BNC2: variants seen among roughly 807,000 people sequenced by gnomAD.
BNC2 encodes basonuclin zinc finger protein 2.
In BNC2, 20 loss-of-function variants were observed where a neutral mutation model predicts 76.3. That is an observed-to-expected ratio of 0.26 (90% CI 0.18 to 0.38). The LOEUF (loss-of-function observed/expected upper bound fraction) is 0.38, where lower values mean the gene tolerates loss of function less well. Among genes scored for constraint, BNC2 ranks in the 10% least tolerant of loss-of-function variants. The pLI, the probability that BNC2 is intolerant of heterozygous loss-of-function variation, is 1.00. For missense variants in BNC2, 1,382 were observed against 1,399.8 expected (o/e 0.99, Z 0.20); for synonymous variants, 582 against 514.8 (o/e 1.13, Z -1.77).
chr9:16,495,407 A>G (rs1230138868), intron 5 of BNC2, among the ~76,000 whole-genome samples: 1 of 152,260 alleles, frequency 6.6e-6, no homozygotes, highest in Non-Finnish European at 1.5e-5. Context: ...TGTGGACTTA[A>G]GCAGATCACA....
At chr9:16,561,958 C>G (rs181655222) in intron 4 of BNC2, among the ~76,000 whole-genome samples, 1 of 152,194 alleles carries the variant, frequency 6.6e-6, no homozygotes, top group Non-Finnish European at 1.5e-5. Context: ...TGAGCCGTGA[C>G]TGAGCCACTA....
chr9:16,417,914 G>A lies in BNC2; in HGVS notation c.*1075C>T, dbSNP rs1411403482. On this transcript the variant is annotated 3_prime_UTR_variant, in exon 7 of 7. Transcript: ENST00000380672. ...ATCACCAAGTGTTTTTTTAAAAAGC[G>A]GTTTTCTGGTGGCCAACAAATTGGC... is the stretch of plus-strand genomic sequence containing the variant. 3.9e-5 allele frequency: 6 copies of A among 152,662 alleles called. No individual in the cohort carries two copies. The highest frequency in any genetic ancestry group is 2.1e-4 in the South Asian group (1 of 4,822). The allele number at this position is 152,662 out of a possible 1,614,324, so 9.5% of individuals were successfully genotyped here. A position where few individuals can be genotyped will look rare whatever the true frequency, so the allele number is the denominator to read the frequency against.
chr9:16,428,328 C>T (rs1178910702), intron 6 of BNC2, among the ~76,000 whole-genome samples: 1 of 152,140 alleles, frequency 6.6e-6, no homozygotes, highest in Non-Finnish European at 1.5e-5. Context: ...CCTCCACTGC[C>T]CATCAGACCT....
At chr9:16,676,646 A>G (rs1043311088) in intron 3 of BNC2, among the ~76,000 whole-genome samples, 1 of 152,244 alleles carries the variant, frequency 6.6e-6, no homozygotes. Context: ...TCCACAATGT[A>G]TCTGACATAT....
At chr9:16,787,889 G>A (rs1439042412) in intron 1 of BNC2, among the ~76,000 whole-genome samples, 1 of 152,084 alleles carries the variant, frequency 6.6e-6, no homozygotes, top group Non-Finnish European at 1.5e-5. Context: ...TATTTCCTTA[G>A]CCAGGATGCA....
intron 5 of BNC2, among the ~76,000 whole-genome samples, chr9:16,511,516 C>T (rs545106130): frequency 6.6e-6 from 1 of 150,474 alleles, no homozygotes; most frequent in African/African-American, 2.4e-5. Flanking sequence ...CAGTCTCAAC[C>T]TCCCAGGCTC....
In BNC2 at chr9:16,554,020, C is replaced by T. The variant is rs544733023; in HGVS notation, c.434-1255G>A. 2.6e-5 allele frequency among the ~76,000 whole-genome samples: 4 copies of T among 152,190 alleles called. No individual in the cohort carries two copies. In the South Asian group the frequency reaches 8.3e-4, roughly 31 times the overall value. Reference sequence around the variant, plus strand: ...ATAAGCCTGAAGGATGGTCATCTAACCTCATGAGTCAGGCAAATGGGTATC... The same window carrying T: ...ATAAGCCTGAAGGATGGTCATCTAATCTCATGAGTCAGGCAAATGGGTATC... On this transcript the variant is annotated intron_variant, in intron 4 of 6. Transcript: ENST00000380672.
In BNC2 at chr9:16,728,128, C is replaced by T. The variant is rs1824404561; in HGVS notation, c.130-131G>A. ...ATTTGGGGGAGGGAGGGGGTCAGAG[C>T]TTCTTTCGCACCTTCTGCACAGATA... is the stretch of plus-strand genomic sequence containing the variant. On this transcript the variant is annotated intron_variant, in intron 2 of 6. Transcript: ENST00000380672. 1.6e-5 allele frequency: 12 copies of T among 754,256 alleles called. 1 individual carries two copies. In the South Asian group the frequency reaches 1.6e-4, roughly 10 times the overall value. The allele number at this position is 754,256 out of a possible 1,614,324, so 46.7% of individuals were successfully genotyped here.
At chr9:16,574,623 AC>A (rs1819430292) in intron 4 of BNC2, among the ~76,000 whole-genome samples, 1 of 152,124 alleles carries the variant, frequency 6.6e-6, no homozygotes, top group Non-Finnish European at 1.5e-5. Context: ...ACTGAAGAAA[AC>A]CTTCCCTGGA....
intron 5 of BNC2, among the ~76,000 whole-genome samples, chr9:16,442,172 G>C (rs899037777): frequency 7.2e-5 from 11 of 152,276 alleles, no homozygotes; most frequent in Non-Finnish European, 1.2e-4. Context: ...TTAAATGCGA[G>C]TTATTATCAT....
intron 3 of BNC2, among the ~76,000 whole-genome samples, chr9:16,668,768 T>C (rs1262064581): frequency 6.6e-6 from 1 of 152,216 alleles, no homozygotes; most frequent in African/African-American, 2.4e-5. Flanking sequence ...TCTCTTTGAC[T>C]TTCTCTTGTT....
intron 3 of BNC2, among the ~76,000 whole-genome samples, chr9:16,719,912 G>A (rs1001882140): frequency 5.9e-5 from 9 of 152,088 alleles, no homozygotes; most frequent in Admixed American, 5.2e-4. Flanking sequence ...TTTCCTTCTT[G>A]TAGGGAAATA....
Position 16,409,612 on chromosome 9 carries a change from T to G in BNC2, c.*9377A>C, listed in dbSNP as rs2118869214. The G allele has an allele frequency of 6.5e-6, 1 of 152,730 alleles. No individual in the cohort carries two copies. The highest frequency in any genetic ancestry group is 1.9e-4 in the East Asian group (1 of 5,188). The allele number at this position is 152,730 out of a possible 1,614,324, so 9.5% of individuals were successfully genotyped here. On this transcript the variant is annotated 3_prime_UTR_variant, in exon 7 of 7. Transcript: ENST00000380672. Reference sequence around the variant, plus strand: ...AAATTCCATTTACATCCCCAAACCCTTATGCATTTTATGCAAAAGACATAC... The same window carrying G: ...AAATTCCATTTACATCCCCAAACCCGTATGCATTTTATGCAAAAGACATAC...
intron 2 of BNC2, among the ~76,000 whole-genome samples, chr9:16,732,108 C>T (rs1824520831): frequency 7.4e-6 from 1 of 135,486 alleles, no homozygotes; most frequent in Admixed American, 8.1e-5. Context: ...CTGATCTTTT[C>T]AGTACTTGAG....
intron 1 of BNC2, among the ~76,000 whole-genome samples, chr9:16,847,693 A>G (rs1247591200): frequency 2.0e-5 from 3 of 152,226 alleles, no homozygotes; most frequent in Non-Finnish European, 4.4e-5. Flanking sequence ...TTTAAAAACT[A>G]AAACACAAAA....
intron 5 of BNC2, among the ~76,000 whole-genome samples, chr9:16,490,169 A>T (rs1262090900): frequency 6.6e-6 from 1 of 152,186 alleles, no homozygotes; most frequent in Non-Finnish European, 1.5e-5. Context: ...GACATACCAG[A>T]GACTGTGAAG....
chr9:16,485,761 A>T (rs1323686844), intron 5 of BNC2, among the ~76,000 whole-genome samples: 1 of 152,142 alleles, frequency 6.6e-6, no homozygotes, highest in Non-Finnish European at 1.5e-5. Flanking sequence ...GTGAGCTGTT[A>T]CCACACCACT....
At chr9:16,606,452 G>A (rs1268794796) in intron 3 of BNC2, among the ~76,000 whole-genome samples, 2 of 152,016 alleles carry the variant, frequency 1.3e-5, no homozygotes, top group Non-Finnish European at 2.9e-5. Context: ...AGACCCATGG[G>A]AGATGGCTGA....
At chr9:16,640,557 T>C (rs1427967598) in intron 3 of BNC2, among the ~76,000 whole-genome samples, 1 of 152,214 alleles carries the variant, frequency 6.6e-6, no homozygotes, top group Non-Finnish European at 1.5e-5. Flanking sequence ...ACATTTCAAA[T>C]TATACAACTC....
Sources: gnomAD v4.1 joint callset for allele counts (sites outside exome capture counted in the v4.1 genomes callset) on GRCh38, gnomAD v4.1.1 for gene constraint, MANE v1.5 for transcripts, NCBI Gene and HGNC (gene_info 2026-07-23, HGNC 2026-07-21) for gene names.